Variants in TMEM132C observed in about 807,000 individuals in gnomAD.
TMEM132C encodes the protein transmembrane protein 132C, also known as protein phosphatase 1, regulatory subunit 152.
Under a neutral mutation model 61.4 loss-of-function variants are expected in TMEM132C, and 29 were observed. The observed-to-expected ratio is 0.47, with a 90% confidence interval of 0.35 to 0.64. The LOEUF is 0.64. Among genes scored for constraint, TMEM132C ranks in the 30% least tolerant of loss-of-function variants. The pLI, the probability that TMEM132C is intolerant of heterozygous loss-of-function variation, is 0.00. For synonymous variants in TMEM132C, 656 were observed against 633.1 expected (o/e 1.04, Z -0.54); for missense variants, 1,408 against 1,476.9 (o/e 0.95, Z 0.76).
intron 8 of TMEM132C, among the ~76,000 whole-genome samples, chr12:128,703,664 T>C (rs1169499587): frequency 6.6e-6 from 1 of 152,162 alleles, no homozygotes; most frequent in African/African-American, 2.4e-5. Flanking sequence ...GCCATTTAGG[T>C]TGACTTTGTG....
intron 7 of TMEM132C, 90 bp from the exon 8 acceptor site, chr12:128,697,134 C>A: frequency 8.2e-7 from 1 of 1,214,446 alleles, no homozygotes; most frequent in Non-Finnish European, 1.1e-6. Context: ...GACCTCAGGC[C>A]TGTTGGGATG....
In TMEM132C at chr12:128,695,961, C is replaced by T. The variant is rs945612301; in HGVS notation, c.1787C>T (p.Pro596Leu). ...VSEGAGPWGQ[P>L]NYLLSPNWQF... ...GAGGGCGCCGGTCCATGGGGCCAGC[C>T]GAACTACCTGCTTAGTCCTAACTGG... Residue 596 changes from proline to leucine, a missense_variant, in exon 7 of 9, where the codon CCG becomes CTG. By Grantham distance (98) the Pro-to-Leu change is moderately conservative (BLOSUM62 -3). Coordinates refer to ENST00000435159, the MANE Select transcript of TMEM132C (RefSeq NM_001136103.3). 30 of 1,551,664 alleles carry T rather than the reference C, an allele frequency of 1.9e-5. No individual in the cohort carries two copies. The highest frequency in any genetic ancestry group is 3.9e-5 in the Admixed American group (2 of 50,984).
intron 2 of TMEM132C, among the ~76,000 whole-genome samples, chr12:128,442,266 T>G (rs1869823417): frequency 6.6e-6 from 1 of 152,238 alleles, no homozygotes; most frequent in Non-Finnish European, 1.5e-5. Flanking sequence ...ATATGGCTTC[T>G]GTTCTTGCCA....
chr12:128,374,128 C>A (rs1874109893), intron 1 of TMEM132C, among the ~76,000 whole-genome samples: 1 of 152,082 alleles, frequency 6.6e-6, no homozygotes, highest in Admixed American at 6.5e-5. Flanking sequence ...TGATGACTGG[C>A]CCGGGTGGGG....
At chr12:128,341,293 A>G (rs745473901) in intron 1 of TMEM132C, among the ~76,000 whole-genome samples, 4 of 152,158 alleles carry the variant, frequency 2.6e-5, no homozygotes, top group Non-Finnish European at 4.4e-5. Flanking sequence ...TCTAGGATGG[A>G]AAGGCAATGG....
chr12:128,290,747 C>CT (rs913342163), intron 1 of TMEM132C, among the ~76,000 whole-genome samples: 1 of 151,954 alleles, frequency 6.6e-6, no homozygotes, highest in Non-Finnish European at 1.5e-5. Flanking sequence ...TCCACTCCTT[C>CT]TCTCAGAGGA....
chr12:128,478,771 C>T (rs1219626375), intron 2 of TMEM132C, among the ~76,000 whole-genome samples: 1 of 152,196 alleles, frequency 6.6e-6, no homozygotes, highest in Non-Finnish European at 1.5e-5. Flanking sequence ...AGGACTCAGA[C>T]GCATCTGCTC....
At chr12:128,285,681 C>G (rs1352078936) in intron 1 of TMEM132C, among the ~76,000 whole-genome samples, 1 of 150,784 alleles carries the variant, frequency 6.6e-6, no homozygotes, top group Admixed American at 6.6e-5. Flanking sequence ...TCGCCCCCAT[C>G]TCTCTCTCCC....
At chr12:128,574,187 C>T (rs754370704) in intron 3 of TMEM132C, among the ~76,000 whole-genome samples, 3 of 152,216 alleles carry the variant, frequency 2.0e-5, no homozygotes, top group Non-Finnish European at 4.4e-5. Flanking sequence ...TATTTCCCTG[C>T]TCCATTGTGC....
intron 2 of TMEM132C, among the ~76,000 whole-genome samples, chr12:128,485,588 T>TG (rs111935826): frequency 0.19 from 29,238 of 151,242 alleles, 4,119 homozygotes; most frequent in African/African-American, 0.39. Context: ...TACTGGGGAG[T>TG]GGGGTGCTAC....
intron 3 of TMEM132C, among the ~76,000 whole-genome samples, chr12:128,574,779 GGTGC>G (rs1875028082): frequency 6.6e-6 from 1 of 152,186 alleles, no homozygotes; most frequent in Non-Finnish European, 1.5e-5. Flanking sequence ...GAAAGGGCCT[GGTGC>G]TTTGAGTTTC....
intron 1 of TMEM132C, among the ~76,000 whole-genome samples, chr12:128,363,598 A>T (rs1873771109): frequency 6.6e-6 from 1 of 152,162 alleles, no homozygotes; most frequent in Admixed American, 6.5e-5. Context: ...CTGTAATCCC[A>T]GCACTTTGGG....
rs111484228 is a variant in TMEM132C at position 128,375,416 on chromosome 12, G to A, written c.86-39316G>A. On this transcript the variant is annotated intron_variant, in intron 1 of 8. Transcript: ENST00000435159. ...CCTAGAGGCTGTGGGGGAATCTCCC[G>A]GCTTCTGGTGGCTCCAGGCAGCACC... Among the ~76,000 whole-genome samples the A allele has an allele frequency of 3.9e-5, 6 of 152,226 alleles. 1 individual carries two copies. Among genetic ancestry groups the A allele is most frequent in the South Asian group, 2.1e-4 (1 of 4,812 alleles).
chr12:128,357,222 GTCC>G (rs1392665249), intron 1 of TMEM132C, among the ~76,000 whole-genome samples: 1 of 152,114 alleles, frequency 6.6e-6, no homozygotes, highest in Non-Finnish European at 1.5e-5. Context: ...AGACCTTCCT[GTCC>G]TCCTGGCTGT....
chr12:128,282,848 A>C (rs1870941411), intron 1 of TMEM132C, among the ~76,000 whole-genome samples: 1 of 152,194 alleles, frequency 6.6e-6, no homozygotes, highest in African/African-American at 2.4e-5. Flanking sequence ...TTAGTGATTC[A>C]GATGCTACAT....
intron 3 of TMEM132C, among the ~76,000 whole-genome samples, chr12:128,575,156 T>G (rs1875041870): frequency 6.6e-6 from 1 of 152,236 alleles, no homozygotes; most frequent in South Asian, 2.1e-4. Context: ...GATAATTTTT[T>G]TAAACACAGC....
intron 5 of TMEM132C, among the ~76,000 whole-genome samples, chr12:128,677,101 A>G (rs929529754): frequency 6.6e-6 from 1 of 152,236 alleles, no homozygotes; most frequent in Non-Finnish European, 1.5e-5. Flanking sequence ...CCAAGTGTCC[A>G]TCTTAGAGGA....
intron 4 of TMEM132C, 38 bp downstream of exon 4, chr12:128,616,373 C>T (rs1876801945): frequency 1.3e-6 from 2 of 1,506,436 alleles, no homozygotes; most frequent in Non-Finnish European, 1.8e-6. Flanking sequence ...CTGCATTCAG[C>T]CACCTGACTG....
intron 2 of TMEM132C, among the ~76,000 whole-genome samples, chr12:128,472,727 G>C (rs778595255): frequency 6.6e-6 from 1 of 152,178 alleles, no homozygotes; most frequent in Non-Finnish European, 1.5e-5. Context: ...AACATCTGGG[G>C]GTCAGCTTCG....
Sources: allele counts gnomAD v4.1 joint callset (sites outside exome capture counted in the v4.1 genomes callset), GRCh38; gene constraint gnomAD v4.1.1; transcripts MANE v1.5; gene names NCBI Gene and HGNC (gene_info 2026-07-23, HGNC 2026-07-21).